SLC35F3: variants seen among roughly 807,000 people sequenced by gnomAD.
SLC35F3 encodes putative thiamine transporter SLC35F3.
A neutral mutation model predicts 49.9 loss-of-function variants in SLC35F3; 25 were observed. The observed-to-expected ratio is 0.50, with a 90% CI of 0.37 to 0.70. SLC35F3 has a LOEUF of 0.70. Among genes scored for constraint, SLC35F3 ranks in the 30% least tolerant of loss-of-function variants. SLC35F3 has a pLI of 0.00. For missense variants in SLC35F3, 525 were observed against 639.8 expected (o/e 0.82, Z 1.94); for synonymous variants, 275 against 265.4 (o/e 1.04, Z -0.35).
At chr1:233,971,535 C>T (rs1292716821) in intron 2 of SLC35F3, among the ~76,000 whole-genome samples, 1 of 152,114 alleles carries the variant, frequency 6.6e-6, no homozygotes, top group Non-Finnish European at 1.5e-5. Context: ...GCCCAGCCAA[C>T]ATGGTGAAAC....
intron 2 of SLC35F3, among the ~76,000 whole-genome samples, chr1:234,120,080 T>C (rs16842564): frequency 0.09 from 13,726 of 152,134 alleles, 1,146 homozygotes; most frequent in African/African-American, 0.22. Context: ...CTCCCAGAAC[T>C]TGGAAAACAC....
intron 3 of SLC35F3, among the ~76,000 whole-genome samples, chr1:234,267,032 G>A (rs1194647488): frequency 3.6e-5 from 5 of 140,500 alleles, no homozygotes; most frequent in Admixed American, 7.1e-5. Flanking sequence ...GCGGCCTTCC[G>A]CAGTGTTTGT....
chr1:234,314,765 A>G (rs1484473866), intron 4 of SLC35F3, among the ~76,000 whole-genome samples: 1 of 152,170 alleles, frequency 6.6e-6, no homozygotes, highest in Non-Finnish European at 1.5e-5. Flanking sequence ...CCATCTCAAA[A>G]CAAACAAACA....
At chr1:234,007,328 TGAA>T (rs1177550452) in intron 2 of SLC35F3, among the ~76,000 whole-genome samples, 3 of 152,166 alleles carry the variant, frequency 2.0e-5, no homozygotes, top group Admixed American at 6.5e-5. Flanking sequence ...AGCAAAGCCT[TGAA>T]GAAGGAGAGT....
chr1:233,922,446 A>C (rs906132584), intron 2 of SLC35F3, among the ~76,000 whole-genome samples: 8 of 147,606 alleles, frequency 5.4e-5, no homozygotes, highest in Admixed American at 2.7e-4. Context: ...TCTTCTTTTG[A>C]GAAGTGTCTG....
At position 234,281,127 on chromosome 1, in the gene SLC35F3, T is replaced by C. The variant is rs1558096933; in HGVS notation, c.609-27974T>C. 2.6e-5 allele frequency among the ~76,000 whole-genome samples: 4 copies of C among 152,054 alleles called. No homozygotes were observed. In the South Asian group the frequency reaches 8.3e-4, roughly 32 times the overall value. ...CATATGCTGAAGCCCTAACCCCCAGTACTTCAGAATGTAACTGCATTTGGA... is the reference window on the plus strand; with the variant it reads ...CATATGCTGAAGCCCTAACCCCCAGCACTTCAGAATGTAACTGCATTTGGA... On this transcript the variant is annotated intron_variant, in intron 3 of 7. Transcript: ENST00000366618.
chr1:234,205,710 G>A (rs779637646), intron 2 of SLC35F3, among the ~76,000 whole-genome samples: 1 of 152,198 alleles, frequency 6.6e-6, no homozygotes, highest in Non-Finnish European at 1.5e-5. Context: ...GGAGAGAAGC[G>A]TGCACCAATA....
At chr1:234,315,384 G>T (rs1165305855) in intron 4 of SLC35F3, among the ~76,000 whole-genome samples, 1 of 152,156 alleles carries the variant, frequency 6.6e-6, no homozygotes, top group Non-Finnish European at 1.5e-5. Flanking sequence ...CTAACAGTAG[G>T]TTGGCAGTAC....
Position 234,318,736 on chromosome 1 carries a change from T to C in SLC35F3, c.955-15T>C. ...GGTGAGCCTTCACCCCGTCCTCCTC[T>C]GCTTTCTCCTACAGGTTTTGTTCAA... On this transcript the variant is annotated splice_polypyrimidine_tract_variant and intron_variant, in intron 5 of 7. Transcript: ENST00000366618. The C allele has an allele frequency of 1.2e-6, 2 of 1,611,492 alleles. No individual in the cohort carries two copies. The highest frequency in any genetic ancestry group is 1.7e-6 in the Non-Finnish European group (2 of 1,178,672).
chr1:234,315,328 C>A (rs939612719), intron 4 of SLC35F3, among the ~76,000 whole-genome samples: 4 of 152,204 alleles, frequency 2.6e-5, no homozygotes, highest in Non-Finnish European at 5.9e-5. Flanking sequence ...GTTTCACTAA[C>A]CTAAACATCT....
chr1:233,982,467 C>T (rs925725634), intron 2 of SLC35F3, among the ~76,000 whole-genome samples: 8 of 151,982 alleles, frequency 5.3e-5, no homozygotes, highest in African/African-American at 1.9e-4. Flanking sequence ...CTCTGTCTCC[C>T]GGGTTCAAGT....
chr1:234,051,956 A>C (rs1251027984), intron 2 of SLC35F3, among the ~76,000 whole-genome samples: 1 of 152,178 alleles, frequency 6.6e-6, no homozygotes, highest in Non-Finnish European at 1.5e-5. Flanking sequence ...TGATTTGCGT[A>C]TGTTGAACAA....
At position 233,905,064 on chromosome 1, in the gene SLC35F3, C is replaced by T. The variant is rs747483256; in HGVS notation, c.-14C>T. On this transcript the variant is annotated 5_prime_UTR_variant, in exon 1 of 8. Transcript: ENST00000366618. ...TCAAGTCTGGGAGCTGCCGGTCCCACTCTGTCTTTGCCTATGGGGATTCGA... is the reference window on the plus strand; with the variant it reads ...TCAAGTCTGGGAGCTGCCGGTCCCATTCTGTCTTTGCCTATGGGGATTCGA... 6 of 1,558,516 alleles carry T rather than the reference C, an allele frequency of 3.8e-6. No individual in the cohort carries two copies. In the South Asian group the frequency reaches 7.1e-5, roughly 18 times the overall value.
At chr1:234,247,085 G>C (rs1667643712) in intron 3 of SLC35F3, among the ~76,000 whole-genome samples, 1 of 152,198 alleles carries the variant, frequency 6.6e-6, no homozygotes, top group Non-Finnish European at 1.5e-5. Flanking sequence ...CCAAACAGGT[G>C]GGAGCTTGAG....
intron 3 of SLC35F3, among the ~76,000 whole-genome samples, chr1:234,241,267 T>C (rs1177336562): frequency 1.3e-5 from 2 of 151,868 alleles, no homozygotes; most frequent in Non-Finnish European, 2.9e-5. Context: ...TACATACAAG[T>C]GTTGTACGCA....
chr1:234,177,489 A>G (rs975836382), intron 2 of SLC35F3, among the ~76,000 whole-genome samples: 9 of 152,186 alleles, frequency 5.9e-5, no homozygotes, highest in Non-Finnish European at 1.2e-4. Context: ...AAACAGCATG[A>G]AAAAGCCTAG....
chr1:233,916,202 CTT>C (rs1467716989), intron 2 of SLC35F3, among the ~76,000 whole-genome samples: 1 of 152,198 alleles, frequency 6.6e-6, no homozygotes, highest in Non-Finnish European at 1.5e-5. Flanking sequence ...TATTCAAACA[CTT>C]TTACTTTAAG....
At chr1:234,088,752 C>T (rs1166001911) in intron 2 of SLC35F3, among the ~76,000 whole-genome samples, 1 of 152,000 alleles carries the variant, frequency 6.6e-6, no homozygotes, top group African/African-American at 2.4e-5. Context: ...TTACAGAACA[C>T]AGAAGATTTC....
At chr1:234,171,217 C>T (rs1558249502) in intron 2 of SLC35F3, among the ~76,000 whole-genome samples, 1 of 152,158 alleles carries the variant, frequency 6.6e-6, no homozygotes, top group Non-Finnish European at 1.5e-5. Flanking sequence ...GCTAGCTCTC[C>T]AGGGGATTCT....
Sources: gnomAD v4.1 joint callset for allele counts (sites outside exome capture counted in the v4.1 genomes callset) on GRCh38, gnomAD v4.1.1 for gene constraint, MANE v1.5 for transcripts, NCBI Gene and HGNC (gene_info 2026-07-23, HGNC 2026-07-21) for gene names.